EPHB1: variants seen among roughly 807,000 people sequenced by gnomAD.
The protein encoded by EPHB1 is EPH receptor B1.
A neutral mutation model predicts 94.4 loss-of-function variants in EPHB1; 30 were observed. The observed-to-expected ratio is 0.32, with a 90% CI of 0.24 to 0.43. The LOEUF (loss-of-function observed/expected upper bound fraction) is 0.43. Among genes scored for constraint, EPHB1 ranks in the 20% least tolerant of loss-of-function variants. EPHB1 has a pLI of 1.00. For synonymous variants in EPHB1, 522 were observed against 489.1 expected (o/e 1.07, Z -0.89); for missense variants, 1,055 against 1,308.3 (o/e 0.81, Z 2.99).
At chr3:135,104,502 A>G (rs1374872191) in intron 3 of EPHB1, among the ~76,000 whole-genome samples, 4 of 152,094 alleles carry the variant, frequency 2.6e-5, no homozygotes, top group Non-Finnish European at 4.4e-5. Context: ...CCCTTTTTAC[A>G]TGGTTCGCAA....
At chr3:135,240,648 G>A (rs1943760674) in intron 12 of EPHB1, among the ~76,000 whole-genome samples, 1 of 152,152 alleles carries the variant, frequency 6.6e-6, no homozygotes, top group African/African-American at 2.4e-5. Context: ...AACAAAAATG[G>A]GGCAGAGGGC....
At chr3:135,110,276 T>A (rs1199269026) in intron 4 of EPHB1, among the ~76,000 whole-genome samples, 2 of 152,192 alleles carry the variant, frequency 1.3e-5, no homozygotes, top group Non-Finnish European at 2.9e-5. Context: ...CTTCTTCAAA[T>A]GCAATGGGCT....
At chr3:134,884,513 T>C (rs1310859952) in intron 1 of EPHB1, among the ~76,000 whole-genome samples, 1 of 152,206 alleles carries the variant, frequency 6.6e-6, no homozygotes. Flanking sequence ...TGGTCTATTT[T>C]TGCTAGAGAA....
At chr3:134,832,020 A>T (rs375327979) in intron 1 of EPHB1, among the ~76,000 whole-genome samples, 2 of 152,352 alleles carry the variant, frequency 1.3e-5, no homozygotes, top group African/African-American at 4.8e-5. Flanking sequence ...TTGCTGGATA[A>T]AATACAGGAT....
intron 2 of EPHB1, among the ~76,000 whole-genome samples, chr3:134,944,362 C>T: frequency 6.6e-6 from 1 of 152,084 alleles, no homozygotes; most frequent in East Asian, 1.9e-4. Context: ...TTTATGCACT[C>T]ACCACTTGAC....
intron 1 of EPHB1, among the ~76,000 whole-genome samples, chr3:134,890,561 C>T (rs1217456623): frequency 1.3e-5 from 2 of 152,182 alleles, no homozygotes; most frequent in Non-Finnish European, 2.9e-5. Context: ...ATTGCTTGTT[C>T]ATGGGATATG....
intron 12 of EPHB1, among the ~76,000 whole-genome samples, chr3:135,240,346 C>A (rs1943750851): frequency 6.6e-6 from 1 of 152,038 alleles, no homozygotes; most frequent in Non-Finnish European, 1.5e-5. Flanking sequence ...AGATGTGAAT[C>A]CCTTAGGTAA....
intron 4 of EPHB1, among the ~76,000 whole-genome samples, chr3:135,112,593 T>C (rs1939500096): frequency 7.5e-6 from 1 of 132,628 alleles, no homozygotes; most frequent in African/African-American, 2.9e-5. Flanking sequence ...CCTGTGTCCA[T>C]GTGTTCTCAC....
chr3:134,884,648 T>C (rs12695618), intron 1 of EPHB1, among the ~76,000 whole-genome samples: 67,512 of 152,048 alleles, frequency 0.44, 15,343 homozygotes, highest in Non-Finnish European at 0.49. Context: ...TAATACTCTT[T>C]CCTTTGAAAA....
chr3:134,867,861 C>G (rs141050906), intron 1 of EPHB1, among the ~76,000 whole-genome samples: 2 of 152,086 alleles, frequency 1.3e-5, no homozygotes, highest in African/African-American at 2.4e-5. Context: ...CTGGAGTTCT[C>G]GCCTCCTGGG....
chr3:134,865,847 A>G (rs2037365533), intron 1 of EPHB1, among the ~76,000 whole-genome samples: 1 of 152,240 alleles, frequency 6.6e-6, no homozygotes, highest in Non-Finnish European at 1.5e-5. Flanking sequence ...TGAAATTGCC[A>G]TTTTTAAAGG....
At chr3:135,094,882 C>T (rs1377322471) in intron 3 of EPHB1, among the ~76,000 whole-genome samples, 2 of 152,224 alleles carry the variant, frequency 1.3e-5, no homozygotes, top group East Asian at 3.9e-4. Flanking sequence ...CTGTACCATT[C>T]CAAAGTCCAG....
chr3:134,811,168 TCA>T (rs1429892770), intron 1 of EPHB1, among the ~76,000 whole-genome samples: 1 of 151,158 alleles, frequency 6.6e-6, no homozygotes, highest in African/African-American at 2.4e-5. Context: ...GTTCTCACTA[TCA>T]CAGAGTTCTT....
intron 1 of EPHB1, among the ~76,000 whole-genome samples, chr3:134,845,783 C>T (rs1159663243): frequency 6.6e-6 from 1 of 152,194 alleles, no homozygotes; most frequent in Non-Finnish European, 1.5e-5. Context: ...CACTGTTTTG[C>T]CCCAAAGCAC....
In EPHB1 at chr3:135,201,758, A is replaced by G. The variant is rs1942764090; in HGVS notation, c.2346+69A>G. 6.8e-6 allele frequency: 10 copies of G among 1,467,382 alleles called. No homozygotes were observed. In the South Asian group the frequency reaches 1.2e-4, roughly 18 times the overall value. The allele number at this position is 1,467,382 out of a possible 1,614,324, so 90.9% of individuals were successfully genotyped here. A position where few individuals can be genotyped will look rare whatever the true frequency, so the allele number is the denominator to read the frequency against. On this transcript the variant is annotated intron_variant, in intron 12 of 15. Transcript: ENST00000398015. ...TAAAGGGGACTCTACATGGCTGGGA[A>G]CTGTGACAGGGCACACTGGGAGGGA...
chr3:134,956,169 G>A (rs1198140824), intron 3 of EPHB1, among the ~76,000 whole-genome samples: 4 of 152,120 alleles, frequency 2.6e-5, no homozygotes, highest in African/African-American at 7.2e-5. Context: ...GAGGGCTGCA[G>A]TATCCCATAA....
intron 3 of EPHB1, among the ~76,000 whole-genome samples, chr3:135,087,922 G>A (rs1938418018): frequency 6.6e-6 from 1 of 152,226 alleles, no homozygotes; most frequent in African/African-American, 2.4e-5. Context: ...TTCAGAGCAG[G>A]TCTCTGTAGA....
chr3:134,856,251 C>A (rs764245219), intron 1 of EPHB1, among the ~76,000 whole-genome samples: 2 of 152,040 alleles, frequency 1.3e-5, no homozygotes, highest in Non-Finnish European at 2.9e-5. Context: ...GCAGACAGGA[C>A]CAGGCCTGGA....
rs2107731288 is a variant in EPHB1 at position 135,248,436 on chromosome 3, G to A, written c.2617G>A (p.Glu873Lys). ...CCGGAACAGCCGGCCCCGGTTTGCG[G>A]AGATTGTCAACACCCTAGATAAGAT... ...KDRNSRPRFA[E>K]IVNTLDKMIR... The change falls in exon 14 of 16, where the codon GAG becomes AAG. Residue 873 changes from glutamate to lysine, a missense_variant. Physicochemically the swap from Glu to Lys is moderately conservative, Grantham distance 56. Transcript: ENST00000398015. 6.2e-7 allele frequency: 1 copy of A among 1,613,906 alleles called. No individual in the cohort carries two copies. Among genetic ancestry groups the A allele is most frequent in the Non-Finnish European group, 8.5e-7 (1 of 1,179,868 alleles).
Sources: allele counts gnomAD v4.1 joint callset (sites outside exome capture counted in the v4.1 genomes callset), GRCh38; gene constraint gnomAD v4.1.1; transcripts MANE v1.5; gene names NCBI Gene and HGNC (gene_info 2026-07-23, HGNC 2026-07-21).